PRKAA2: variants seen among roughly 807,000 people sequenced by gnomAD.
PRKAA2 encodes protein kinase AMP-activated catalytic subunit alpha 2, also known as 5'-AMP-activated protein kinase catalytic subunit alpha-2.
PRKAA2 carries 40 observed loss-of-function variants against 56.3 expected under a neutral mutation model. That is an observed-to-expected ratio of 0.71 (90% CI 0.55 to 0.92). The LOEUF is 0.92. PRKAA2 is among the 40% of genes least tolerant of loss of function. PRKAA2 has a pLI of 0.00. For missense variants in PRKAA2, 542 were observed against 686.9 expected, an observed-to-expected ratio of 0.79 and a Z score of 2.36; for synonymous variants, 214 against 234.2, an observed-to-expected ratio of 0.91 and a Z score of 0.79.
rs1347987318 is a variant in PRKAA2, at chr1:56,682,305, AGT to A, written c.236+7787_236+7788del. On this transcript the variant is annotated intron_variant, in intron 2 of 8. Transcript: ENST00000371244. ...AGAATGAAACATGGTGCTGTCACAGAGTGTGACTAGGAAAGAAGAAGGGCTAA... is the reference window on the plus strand; with the variant it reads ...AGAATGAAACATGGTGCTGTCACAGAGTGACTAGGAAAGAAGAAGGGCTAA... Among the ~76,000 whole-genome samples, 9 of 152,300 alleles carry A rather than the reference AGT, an allele frequency of 5.9e-5. No homozygotes were observed. In the East Asian group the frequency reaches 1.5e-3, roughly 26 times the overall value.
rs1644393492 is a variant in PRKAA2 at position 56,714,579 on chromosome 1, A to C, written c.*6866A>C. 6.6e-6 allele frequency: 1 copy of C among 152,198 alleles called. No homozygotes were observed. Among genetic ancestry groups the C allele is most frequent in the African/African-American group, 2.4e-5 (1 of 41,476 alleles). The allele number at this position is 152,198 out of a possible 1,614,324, so 9.4% of individuals were successfully genotyped here. On this transcript the variant is annotated 3_prime_UTR_variant, in exon 9 of 9. Transcript: ENST00000371244. ...TTGTCCTGTGTTGTAACAAATATTC[A>C]GAATCTCTTAAAATGTTGGCTGAAG...
chr1:56,646,155 G>C (rs1403358938), intron 1 of PRKAA2, among the ~76,000 whole-genome samples: 2 of 152,104 alleles, frequency 1.3e-5, no homozygotes, highest in African/African-American at 4.8e-5. Flanking sequence ...TCGGTTGTTG[G>C]GGGTGACTGT....
In PRKAA2 at chr1:56,680,842, A is replaced by T. The variant is rs142165626; in HGVS notation, c.236+6320A>T. 7.3e-3 allele frequency among the ~76,000 whole-genome samples: 1,117 copies of T among 152,362 alleles called. 20 individuals carry two copies. Among genetic ancestry groups the T allele is most frequent in the African/African-American group, 0.025 (1,038 of 41,588 alleles). On this transcript the variant is annotated intron_variant, in intron 2 of 8. Transcript: ENST00000371244. ...ATACGTGTGCATGTGTCTTTATAGCATCATGATTTATAATCATTTGGCTAT... is the reference window on the plus strand; with the variant it reads ...ATACGTGTGCATGTGTCTTTATAGCTTCATGATTTATAATCATTTGGCTAT...
At chr1:56,650,550 T>G (rs1261308704) in intron 1 of PRKAA2, among the ~76,000 whole-genome samples, 4 of 152,194 alleles carry the variant, frequency 2.6e-5, no homozygotes, top group Non-Finnish European at 4.4e-5. Flanking sequence ...AAAGACTGAT[T>G]GAAGAAACAA....
intron 1 of PRKAA2, among the ~76,000 whole-genome samples, chr1:56,651,590 T>C (rs974432921): frequency 6.6e-6 from 1 of 152,184 alleles, no homozygotes; most frequent in Non-Finnish European, 1.5e-5. Context: ...AGGATATAAT[T>C]TTCTATGTCT....
chr1:56,691,279 C>T (rs945233470), intron 2 of PRKAA2, 115 bp from the exon 3 acceptor site: 2 of 562,302 alleles, frequency 3.6e-6, no homozygotes. Flanking sequence ...TAATTTGTTG[C>T]CATCTTAAAG....
intron 2 of PRKAA2, among the ~76,000 whole-genome samples, chr1:56,686,661 C>G (rs1222519115): frequency 6.6e-6 from 1 of 151,980 alleles, no homozygotes; most frequent in Non-Finnish European, 1.5e-5. Context: ...ACAACCAGCT[C>G]TCTTATGAAC....
intron 2 of PRKAA2, among the ~76,000 whole-genome samples, chr1:56,686,936 G>A (rs1349097308): frequency 6.6e-6 from 1 of 150,516 alleles, no homozygotes; most frequent in Non-Finnish European, 1.5e-5. Context: ...CCAGGCTGGA[G>A]TGCAATGGCG....
chr1:56,651,259 G>T (rs1345875487), intron 1 of PRKAA2, among the ~76,000 whole-genome samples: 1 of 152,180 alleles, frequency 6.6e-6, no homozygotes, highest in Non-Finnish European at 1.5e-5. Flanking sequence ...ATGTAATGTA[G>T]AACAGGGGAA....
chr1:56,695,821 A>G (rs1644255262), intron 5 of PRKAA2, 114 bp from the exon 6 acceptor site: 2 of 924,888 alleles, frequency 2.2e-6, no homozygotes, highest in Admixed American at 2.2e-5. Flanking sequence ...GACTTCATTA[A>G]AGACCTTGGA....
At chr1:56,657,960 A>T (rs201706595) in intron 1 of PRKAA2, among the ~76,000 whole-genome samples, 2 of 152,192 alleles carry the variant, frequency 1.3e-5, no homozygotes, top group Non-Finnish European at 1.5e-5. Context: ...GACTATACAA[A>T]ATAATATCTT....
At chr1:56,697,791 C>G (rs1275902651) in intron 6 of PRKAA2, among the ~76,000 whole-genome samples, 1 of 150,794 alleles carries the variant, frequency 6.6e-6, no homozygotes, top group Non-Finnish European at 1.5e-5. Context: ...AGTAAGCGCC[C>G]ATCTATATTA....
chr1:56,670,569 G>A lies in PRKAA2; in HGVS notation c.95-3812G>A, dbSNP rs1569738582. Among the ~76,000 whole-genome samples the A allele has an allele frequency of 2.0e-5, 3 of 152,166 alleles. No individual in the cohort carries two copies. The South Asian group carries it at 6.2e-4, about 32-fold the overall frequency. ...AGTTACAAGAGAGGCTAAGATGCAG[G>A]CTGTACGCTGGGTAGCCATGTACTC... On this transcript the variant is annotated intron_variant, in intron 1 of 8. Transcript: ENST00000371244.
At chr1:56,657,788 A>G (rs948374213) in intron 1 of PRKAA2, among the ~76,000 whole-genome samples, 8 of 152,224 alleles carry the variant, frequency 5.3e-5, no homozygotes, top group African/African-American at 1.9e-4. Context: ...TTTTTATGCA[A>G]ACACAAATTG....
chr1:56,689,239 G>A (rs1263946613), intron 2 of PRKAA2, among the ~76,000 whole-genome samples: 1 of 152,164 alleles, frequency 6.6e-6, no homozygotes, highest in Non-Finnish European at 1.5e-5. Context: ...TTCAGTTTAC[G>A]TGATCACTTT....
At chr1:56,645,928 G>A (rs988317417) in intron 1 of PRKAA2, among the ~76,000 whole-genome samples, 35 of 152,280 alleles carry the variant, frequency 2.3e-4, no homozygotes, top group Middle Eastern at 6.8e-3. Flanking sequence ...TGCCCTGTTA[G>A]GTGCTTTACA....
At chr1:56,693,229 A>G (rs1484084300) in intron 4 of PRKAA2, among the ~76,000 whole-genome samples, 1 of 152,136 alleles carries the variant, frequency 6.6e-6, no homozygotes, top group East Asian at 1.9e-4. Context: ...CTAAATCATG[A>G]AACTTATTTA....
intron 6 of PRKAA2, among the ~76,000 whole-genome samples, chr1:56,701,938 A>G (rs1204159098): frequency 2.0e-5 from 3 of 152,176 alleles, no homozygotes; most frequent in African/African-American, 4.8e-5. Flanking sequence ...GATTAAGAAA[A>G]AAATCAACAA....
rs1644350000 is a variant in PRKAA2, at chr1:56,708,719, C to G, written c.*1006C>G. The G allele has an allele frequency of 6.6e-6, 1 of 152,128 alleles. No individual in the cohort carries two copies. The highest frequency in any genetic ancestry group is 2.1e-4 in the South Asian group (1 of 4,830). 9.4% of individuals were successfully genotyped at this position (152,128 alleles called of 1,614,324 possible). ...CCTCACCTCACCTAGTCACTATTGT[C>G]TTTGTTCATTGTTTGATCCTGAGTG... On this transcript the variant is annotated 3_prime_UTR_variant, in exon 9 of 9. Coordinates refer to ENST00000371244, the MANE Select transcript of PRKAA2 (RefSeq NM_006252.4).
Sources: allele counts gnomAD v4.1 joint callset (sites outside exome capture counted in the v4.1 genomes callset), GRCh38; gene constraint gnomAD v4.1.1; transcripts MANE v1.5; gene names NCBI Gene and HGNC (gene_info 2026-07-23, HGNC 2026-07-21).